Variants in LRRC56 observed in about 807,000 individuals in gnomAD.
LRRC56 encodes leucine-rich repeat-containing protein 56.
In LRRC56, 41 loss-of-function variants were observed where a neutral mutation model predicts 47.8. The ratio of observed to expected loss-of-function variants is 0.86; its 90% CI spans 0.67 to 1.11. The LOEUF (loss-of-function observed/expected upper bound fraction) is 1.11, where lower values mean the gene tolerates loss of function less well. Among genes scored for constraint, LRRC56 ranks in the 50% most tolerant of loss-of-function variants. The pLI, the probability that LRRC56 is intolerant of heterozygous loss-of-function variation, is 0.00. For missense variants in LRRC56, 759 were observed against 704.2 expected (o/e 1.08, Z -0.88); for synonymous variants, 387 against 311.2 (o/e 1.24, Z -2.56).
At chr11:538,235 C>T (rs1404321673) in intron 1 of LRRC56, among the ~76,000 whole-genome samples, 1 of 152,170 alleles carries the variant, frequency 6.6e-6, no homozygotes, top group Non-Finnish European at 1.5e-5. Context: ...CTCTTGGGCA[C>T]AGAGGAGACA....
chr11:526,355 C>T, the LRRC56 span, among the ~76,000 whole-genome samples: 4 of 152,272 alleles, frequency 2.6e-5, no homozygotes, highest in African/African-American at 4.8e-5. Flanking sequence ...AACGAGATCC[C>T]GCAACACGCC....
the LRRC56 span, among the ~76,000 whole-genome samples, chr11:522,837 T>A: frequency 6.6e-6 from 1 of 151,716 alleles, no homozygotes; most frequent in Non-Finnish European, 1.5e-5. Context: ...CAACCGTCAC[T>A]TCTTGGGTTC....
upstream of LRRC56, chr11:535,393 G>A (rs1406567350): frequency 1.4e-5 from 2 of 146,898 alleles, no homozygotes; most frequent in African/African-American, 2.5e-5. Context: ...CGCGCGGCCC[G>A]GCCGATCCCT....
chr11:527,592 C>T, the LRRC56 span, among the ~76,000 whole-genome samples: 17 of 152,192 alleles, frequency 1.1e-4, 1 homozygote, highest in South Asian at 1.7e-3. Flanking sequence ...AGTGCAGTGG[C>T]GCTATCTTGG....
Position 552,185 on chromosome 11 carries a change from C to T in LRRC56, c.1134C>T (p.Asp378=), listed in dbSNP as rs375537597. Residue 378 remains aspartate (D), a synonymous_variant, in exon 12 of 14, where the codon GAC becomes GAT. Transcript: ENST00000270115. ...AGCCTGACCCTGCAGACAGCTCTGA[C>T]TTCCTGGCCTTGGCTGGGCTCAGGG... ...TPEPDPADSS[D]FLALAGLRAW... 4.3e-6 allele frequency: 7 copies of T among 1,612,522 alleles called. No individual in the cohort carries two copies. Among genetic ancestry groups the T allele is most frequent in the South Asian group, 1.1e-5 (1 of 91,086 alleles).
chr11:534,620 C>G, upstream of LRRC56: 1 of 516,030 alleles, frequency 1.9e-6, no homozygotes, highest in East Asian at 3.3e-5. Context: ...AAAGGCAGGG[C>G]TGACAGCTGA....
chr11:528,299 G>A, the LRRC56 span, among the ~76,000 whole-genome samples: 1,311 of 152,310 alleles, frequency 8.6e-3, 13 homozygotes, highest in African/African-American at 0.024. Flanking sequence ...GTGATCCGAC[G>A]GGCAGGCGGC....
the LRRC56 span, among the ~76,000 whole-genome samples, chr11:511,302 CAG>C: frequency 9.8e-5 from 13 of 132,462 alleles, no homozygotes; most frequent in Non-Finnish European, 1.7e-4. Context: ...GCCTGGGCGA[CAG>C]AGCTAGACTC....
At chr11:521,804 A>G in the LRRC56 span, among the ~76,000 whole-genome samples, 1 of 151,804 alleles carries the variant, frequency 6.6e-6, no homozygotes, top group South Asian at 2.1e-4. Context: ...AGTCCCAGCT[A>G]CTCGGAAGGC....
chr11:533,763 C>A (rs771562113), upstream of LRRC56: 5 of 1,613,302 alleles, frequency 3.1e-6, no homozygotes, highest in African/African-American at 6.7e-5. Flanking sequence ...TCACGGGGTT[C>A]ACCTGTACTG....
upstream of LRRC56, among the ~76,000 whole-genome samples, chr11:535,023 A>C (rs1218556104): frequency 6.6e-6 from 1 of 152,162 alleles, no homozygotes; most frequent in Non-Finnish European, 1.5e-5. Flanking sequence ...ACTGGGGCTG[A>C]GGCCCCCGGC....
the LRRC56 span, among the ~76,000 whole-genome samples, chr11:523,646 TGG>T: frequency 8.2e-6 from 1 of 122,170 alleles, no homozygotes; most frequent in Non-Finnish European, 1.7e-5. Context: ...AAGCCGGGGT[TGG>T]GGGGCCGGGC....
intron 5 of LRRC56, among the ~76,000 whole-genome samples, chr11:542,204 A>T (rs1851828085): frequency 7.0e-6 from 1 of 143,404 alleles, no homozygotes; most frequent in Non-Finnish European, 1.5e-5. Context: ...TGCCCCACAC[A>T]CCCACGCCAG....
At chr11:511,246 G>A in the LRRC56 span, among the ~76,000 whole-genome samples, 13 of 151,386 alleles carry the variant, frequency 8.6e-5, no homozygotes, top group East Asian at 2.0e-4. Flanking sequence ...GCGTGAACCC[G>A]GGAGGCGGAG....
intron 5 of LRRC56, among the ~76,000 whole-genome samples, chr11:543,534 A>C (rs747073789): frequency 6.6e-4 from 101 of 152,166 alleles, no homozygotes; most frequent in Non-Finnish European, 1.3e-3. Context: ...CCTTTAGAGC[A>C]GGGAAGCGTC....
chr11:532,431 C>A, the LRRC56 span: 1 of 684,970 alleles, frequency 1.5e-6, no homozygotes, highest in South Asian at 1.9e-5. Flanking sequence ...CTCCAGCAGC[C>A]CTTCCTTCCT....
At chr11:526,162 G>A in the LRRC56 span, among the ~76,000 whole-genome samples, 12 of 150,360 alleles carry the variant, frequency 8.0e-5, 1 homozygote, top group South Asian at 2.1e-3. Flanking sequence ...AGCCAAGATC[G>A]CACCACTGCA....
At chr11:551,848 C>G (rs147555402) in intron 10 of LRRC56, 21 bp downstream of exon 10, 19 of 1,608,652 alleles carry the variant, frequency 1.2e-5, no homozygotes, top group Non-Finnish European at 1.6e-5. Context: ...TGCCTCAAAG[C>G]TGACCCTGCA....
At chr11:533,738 G>A (rs2133989427), upstream of LRRC56, 1 of 1,612,696 alleles carries the variant, frequency 6.2e-7, no homozygotes, top group South Asian at 1.1e-5. Context: ...TGCGGCGTGG[G>A]CTCCCGGGCC....
Sources: gnomAD v4.1 joint callset for allele counts (sites outside exome capture counted in the v4.1 genomes callset) on GRCh38, gnomAD v4.1.1 for gene constraint, MANE v1.5 for transcripts, NCBI Gene and HGNC (gene_info 2026-07-23, HGNC 2026-07-21) for gene names.